Variants in UTP11 observed in about 807,000 individuals in gnomAD.
UTP11 encodes the protein probable U3 small nucleolar RNA-associated protein 11.
UTP11 carries 29 observed loss-of-function variants against 39.0 expected under a neutral mutation model. The observed-to-expected ratio is 0.74, with a 90% CI of 0.55 to 1.01. The LOEUF is 1.01. Ranked by LOEUF, UTP11 falls within the 50% of genes least tolerant of loss-of-function variation. The pLI is 0.00. For missense variants in UTP11, 281 were observed against 306.0 expected, an observed-to-expected ratio of 0.92 and a Z score of 0.61; for synonymous variants, 111 against 105.0, an observed-to-expected ratio of 1.06 and a Z score of -0.35.
Position 38,021,012 on chromosome 1 carries a change from C to T in UTP11, c.567+1629C>T, listed in dbSNP as rs533404921. On this transcript the variant is annotated intron_variant, in intron 6 of 7. Transcript: ENST00000373014. ...TATCGGCTCACTGCAACCTCTGCCT[C>T]CTGGGTTCAAGCAATTCTCTTGCCT... is the stretch of plus-strand genomic sequence containing the variant. Among the ~76,000 whole-genome samples, 194 of 152,052 alleles carry T rather than the reference C, an allele frequency of 1.3e-3. 2 individuals carry two copies. Among genetic ancestry groups the T allele is most frequent in the African/African-American group, 4.3e-3 (180 of 41,454 alleles).
chr1:38,015,844 C>T (rs1053388787), intron 1 of UTP11, among the ~76,000 whole-genome samples: 8 of 152,118 alleles, frequency 5.3e-5, no homozygotes, highest in African/African-American at 9.7e-5. Context: ...CAGTATAACC[C>T]GGAGAAGCAG....
intron 7 of UTP11, 24 bp downstream of exon 7, chr1:38,022,833 T>TA: frequency 2.8e-6 from 4 of 1,435,182 alleles, no homozygotes; most frequent in African/African-American, 1.5e-5. Flanking sequence ...GCCTTAGGCC[T>TA]CTTTTTTTTT....
intron 1 of UTP11, 110 bp from the exon 2 acceptor site, chr1:38,016,249 T>C: frequency 9.0e-7 from 1 of 1,110,990 alleles, no homozygotes; most frequent in East Asian, 2.4e-5. Context: ...CTCCAAGGAC[T>C]GGATTTACTG....
chr1:38,012,949 G>A lies in UTP11; in HGVS notation c.63+84G>A, dbSNP rs1448389613. 3 of 1,547,554 alleles carry A rather than the reference G, an allele frequency of 1.9e-6. No homozygotes were observed. The African/African-American group carries it at 4.1e-5, about 21-fold the overall frequency. On this transcript the variant is annotated intron_variant, in intron 1 of 7. Coordinates refer to ENST00000373014, the MANE Select transcript of UTP11 (RefSeq NM_016037.4). ...CAACCCTGTCGCCACCGTGGGATCC[G>A]GGTCCAAACTGTATAGTATATAAAT...
chr1:38,023,357 T>C (rs1646748805), intron 7 of UTP11, among the ~76,000 whole-genome samples, 188 bp from the exon 8 acceptor site: 1 of 152,222 alleles, frequency 6.6e-6, no homozygotes, highest in Non-Finnish European at 1.5e-5. Context: ...TGTACACAGC[T>C]AGTACTTTCT....
At chr1:38,016,449 T>C in intron 2 of UTP11, 29 bp downstream of exon 2, 1 of 1,608,160 alleles carries the variant, frequency 6.2e-7, no homozygotes, top group Non-Finnish European at 8.5e-7. Context: ...GTAGAGGCGC[T>C]GCCAAGAAAG....
chr1:38,023,503 C>T (rs1212368085), intron 7 of UTP11, 42 bp from the exon 8 acceptor site: 1 of 1,565,434 alleles, frequency 6.4e-7, no homozygotes, highest in African/African-American at 1.4e-5. Flanking sequence ...TTTACAAAAC[C>T]ATTTCCTTCT....
intron 7 of UTP11, 38 bp downstream of exon 7, chr1:38,022,847 T>G: frequency 7.8e-7 from 1 of 1,281,182 alleles, no homozygotes; most frequent in Non-Finnish European, 1.1e-6. Context: ...TTTTTTTTTT[T>G]CCCCCTTTTC....
chr1:38,018,435 G>C, intron 3 of UTP11, 29 bp from the exon 4 acceptor site: 1 of 1,497,956 alleles, frequency 6.7e-7, no homozygotes, highest in Non-Finnish European at 9.2e-7. Flanking sequence ...AATCTAATAG[G>C]GAATATATCT....
chr1:38,022,043 C>T (rs943499456), intron 6 of UTP11, among the ~76,000 whole-genome samples: 5 of 152,184 alleles, frequency 3.3e-5, no homozygotes, highest in African/African-American at 1.2e-4. Flanking sequence ...AATTCTTCTG[C>T]TTTCTGAGTG....
chr1:38,014,306 A>C (rs140300775), intron 1 of UTP11, among the ~76,000 whole-genome samples: 1 of 152,038 alleles, frequency 6.6e-6, no homozygotes, highest in East Asian at 1.9e-4. Flanking sequence ...GGTGAGAAGA[A>C]GACCATCCTG....
Position 38,024,711 on chromosome 1 carries a change from T to G in UTP11, c.*1083T>G, listed in dbSNP as rs537736214. 3 of 152,238 alleles carry G rather than the reference T, an allele frequency of 2.0e-5. No individual in the cohort carries two copies. Among genetic ancestry groups the G allele is most frequent in the Non-Finnish European group, 2.9e-5 (2 of 68,052 alleles). The allele number at this position is 152,238 out of a possible 1,614,324, so 9.4% of individuals were successfully genotyped here. On this transcript the variant is annotated 3_prime_UTR_variant, in exon 8 of 8. Coordinates refer to ENST00000373014, the MANE Select transcript of UTP11 (RefSeq NM_016037.4). ...CGTGAGCCACCGCGCCCGGCCGATG[T>G]CCTACTTTTTAATTAAATCATTAGC...
chr1:38,017,886 C>G (rs1397211372), intron 3 of UTP11, 116 bp downstream of exon 3: 17 of 902,700 alleles, frequency 1.9e-5, no homozygotes, highest in Non-Finnish European at 2.7e-5. Flanking sequence ...CTGGTTACTC[C>G]AGGTGCTCTT....
Position 38,024,105 on chromosome 1 carries a change from T to C in UTP11, c.*477T>C, listed in dbSNP as rs1646752323. ...CTCCCACCTTGGCCTCCCAAAGGGC[T>C]GGGATTACAGGGATGAGCCACTATG... On this transcript the variant is annotated 3_prime_UTR_variant, in exon 8 of 8. Transcript: ENST00000373014. 1 of 152,656 alleles carries C rather than the reference T, an allele frequency of 6.6e-6. No homozygotes were observed. The highest frequency in any genetic ancestry group is 1.9e-4 in the East Asian group (1 of 5,212). The allele number at this position is 152,656 out of a possible 1,614,324, so 9.5% of individuals were successfully genotyped here.
intron 1 of UTP11, among the ~76,000 whole-genome samples, chr1:38,013,595 A>T (rs771082751): frequency 6.6e-6 from 1 of 152,226 alleles, no homozygotes; most frequent in South Asian, 2.1e-4. Context: ...TTAGACATAC[A>T]TATGTGCTCC....
Position 38,023,671 on chromosome 1 carries a change from TGTC to T in UTP11, c.*46_*48del. The stretch of plus-strand genomic sequence containing the variant: ...TTGTCATTCTGTATCAAAAATCTGT[TGTC>T]GTTTTCTAGTAACTTCAAATTCCAT... On this transcript the variant is annotated 3_prime_UTR_variant, in exon 8 of 8. Transcript: ENST00000373014. 6.4e-7 allele frequency: 1 copy of T among 1,554,196 alleles called. No homozygotes were observed.
chr1:38,022,655 G>C (rs776986755), intron 6 of UTP11, 44 bp from the exon 7 acceptor site: 1 of 1,355,772 alleles, frequency 7.4e-7, no homozygotes. Context: ...ACTCATTTTT[G>C]TCCTGTTCAT....
intron 6 of UTP11, among the ~76,000 whole-genome samples, chr1:38,020,941 A>G (rs1158354516): frequency 7.0e-6 from 1 of 142,396 alleles, no homozygotes; most frequent in Non-Finnish European, 1.5e-5. Context: ...TTTTTTTTTG[A>G]GACGGAGTCT....
chr1:38,023,189 C>T (rs939827651), intron 7 of UTP11, among the ~76,000 whole-genome samples: 4 of 152,188 alleles, frequency 2.6e-5, no homozygotes, highest in African/African-American at 9.7e-5. Flanking sequence ...TATAAGATGC[C>T]TCTTTCATAT....
Sources: gnomAD v4.1 joint callset for allele counts (sites outside exome capture counted in the v4.1 genomes callset) on GRCh38, gnomAD v4.1.1 for gene constraint, MANE v1.5 for transcripts, NCBI Gene and HGNC (gene_info 2026-07-23, HGNC 2026-07-21) for gene names.